CACUL1: variants seen among roughly 807,000 people sequenced by gnomAD.
The protein encoded by CACUL1 is CDK2-associated and cullin domain-containing protein 1.
In CACUL1, 13 loss-of-function variants were observed where a neutral mutation model predicts 45.2. The ratio of observed to expected loss-of-function variants is 0.29; its 90% CI spans 0.19 to 0.46. The LOEUF (loss-of-function observed/expected upper bound fraction) is 0.46, where lower values mean the gene tolerates loss of function less well. Among genes scored for constraint, CACUL1 ranks in the 20% least tolerant of loss-of-function variants. The pLI is 1.00. For missense variants in CACUL1, 421 were observed against 471.4 expected, an observed-to-expected ratio of 0.89 and a Z score of 0.99; for synonymous variants, 197 against 174.2, an observed-to-expected ratio of 1.13 and a Z score of -1.03.
intron 1 of CACUL1, among the ~76,000 whole-genome samples, chr10:118,742,537 C>T (rs953568773): frequency 3.3e-5 from 5 of 152,092 alleles, no homozygotes; most frequent in African/African-American, 1.2e-4. Context: ...CCAATAAGAT[C>T]CTGAAGTTCG....
chr10:118,687,807 G>C (rs1315953027), intron 7 of CACUL1, among the ~76,000 whole-genome samples: 1 of 152,084 alleles, frequency 6.6e-6, no homozygotes, highest in Non-Finnish European at 1.5e-5. Context: ...TCCACTCATA[G>C]GACTTACTAC....
chr10:118,739,549 G>C (rs774677073), intron 1 of CACUL1, among the ~76,000 whole-genome samples: 3 of 151,496 alleles, frequency 2.0e-5, no homozygotes, highest in Non-Finnish European at 4.4e-5. Context: ...TATCAATCAA[G>C]TGTGAAAGCA....
chr10:118,709,474 A>G (rs959407425), intron 3 of CACUL1, among the ~76,000 whole-genome samples: 1 of 152,256 alleles, frequency 6.6e-6, no homozygotes, highest in Admixed American at 6.5e-5. Flanking sequence ...CGTTAGCCAA[A>G]TGATAGATCC....
At chr10:118,751,458 A>C (rs1225389897) in intron 1 of CACUL1, among the ~76,000 whole-genome samples, 2 of 152,182 alleles carry the variant, frequency 1.3e-5, no homozygotes, top group Admixed American at 1.3e-4. Flanking sequence ...CTCCCTAACA[A>C]CATATGACTC....
chr10:118,712,773 C>T (rs1845501845), intron 3 of CACUL1, among the ~76,000 whole-genome samples: 1 of 152,198 alleles, frequency 6.6e-6, no homozygotes, highest in Non-Finnish European at 1.5e-5. Flanking sequence ...AGCTGGTCAT[C>T]TCAACAACTG....
At chr10:118,727,706 T>C (rs989800426) in intron 3 of CACUL1, among the ~76,000 whole-genome samples, 1 of 152,156 alleles carries the variant, frequency 6.6e-6, no homozygotes, top group Non-Finnish European at 1.5e-5. Context: ...TATTCATCAA[T>C]CAAAAACTGG....
chr10:118,716,818 G>A (rs1336131149), intron 3 of CACUL1, among the ~76,000 whole-genome samples: 1 of 152,084 alleles, frequency 6.6e-6, no homozygotes, highest in Non-Finnish European at 1.5e-5. Context: ...TAGCCAGGGT[G>A]GTCTCGATCT....
Position 118,686,149 on chromosome 10 carries a change from T to C in CACUL1, c.1089A>G (p.Ala363=). The change falls in exon 9 of 9, where the codon GCA becomes GCG. Residue 363 remains alanine, a synonymous_variant. Transcript: ENST00000369151. ...TTCACTATCTGTACCCCCTGGAACTTGCACATGCTGACGAGCTATCTGAAA... is the reference window on the plus strand; with the variant it reads ...TTCACTATCTGTACCCCCTGGAACTCGCACATGCTGACGAGCTATCTGAAA... The part of the protein sequence containing the change: ...ELAYNSSSAC[A]SSRGYR The C allele has an allele frequency of 6.2e-7, 1 of 1,613,320 alleles. No homozygotes were observed. The highest frequency in any genetic ancestry group is 2.2e-5 in the East Asian group (1 of 44,866).
chr10:118,753,972 TTC>T (rs1845925661), intron 1 of CACUL1, among the ~76,000 whole-genome samples: 2 of 152,208 alleles, frequency 1.3e-5, no homozygotes, highest in Non-Finnish European at 2.9e-5. Context: ...CAGATTTCTT[TTC>T]TCTCTCTGGC....
chr10:118,738,059 T>C (rs1056899728), intron 1 of CACUL1, among the ~76,000 whole-genome samples: 5 of 152,226 alleles, frequency 3.3e-5, no homozygotes, highest in African/African-American at 1.2e-4. Flanking sequence ...AATCTCTCCT[T>C]GGCATTAAGC....
At chr10:118,729,765 G>C (rs1845682392) in intron 2 of CACUL1, among the ~76,000 whole-genome samples, 1 of 152,176 alleles carries the variant, frequency 6.6e-6, no homozygotes, top group Non-Finnish European at 1.5e-5. Context: ...AATCAGTAGA[G>C]AGAGGTTTCT....
chr10:118,709,974 C>T (rs779493910), intron 3 of CACUL1, among the ~76,000 whole-genome samples: 5 of 151,902 alleles, frequency 3.3e-5, no homozygotes, highest in Non-Finnish European at 7.4e-5. Flanking sequence ...ACCATGATTA[C>T]AGCTCACTGC....
intron 1 of CACUL1, among the ~76,000 whole-genome samples, chr10:118,751,987 G>C (rs1845902874): frequency 2.6e-5 from 4 of 152,048 alleles, no homozygotes; most frequent in Admixed American, 2.6e-4. Flanking sequence ...GTTATCACTA[G>C]TTTAGTAAAT....
chr10:118,718,860 A>G (rs1426986230), intron 3 of CACUL1, among the ~76,000 whole-genome samples: 2 of 152,240 alleles, frequency 1.3e-5, no homozygotes, highest in African/African-American at 4.8e-5. Flanking sequence ...GGCGTGAGCC[A>G]CCGCGCCCGG....
intron 3 of CACUL1, chr10:118,726,502 C>T (rs998858918): frequency 3.4e-5 from 12 of 352,340 alleles, no homozygotes; most frequent in Non-Finnish European, 3.9e-5. Flanking sequence ...AACACAATCA[C>T]TGCCCTAATA....
chr10:118,697,529 A>T (rs1004246029), intron 5 of CACUL1, among the ~76,000 whole-genome samples: 1 of 152,218 alleles, frequency 6.6e-6, no homozygotes, highest in Admixed American at 6.5e-5. Context: ...TTGATACCTG[A>T]ATTGGGACCA....
At chr10:118,704,208 G>T (rs10886289) in intron 4 of CACUL1, among the ~76,000 whole-genome samples, 119,913 of 150,558 alleles carry the variant, frequency 0.8, 47,777 homozygotes, top group Admixed American at 0.83. Context: ...AGATCCCATC[G>T]CTACTGAAAA....
chr10:118,720,567 T>A (rs1244272818), intron 3 of CACUL1, among the ~76,000 whole-genome samples: 1 of 152,196 alleles, frequency 6.6e-6, no homozygotes, highest in Non-Finnish European at 1.5e-5. Flanking sequence ...TGCAAACAGC[T>A]ATTATTTATG....
intron 3 of CACUL1, among the ~76,000 whole-genome samples, chr10:118,727,415 A>C (rs1056248894): frequency 4.0e-5 from 6 of 151,326 alleles, no homozygotes; most frequent in African/African-American, 1.5e-4. Flanking sequence ...AAAAAAAAAA[A>C]AACACTAACA....
Sources: allele counts gnomAD v4.1 joint callset (sites outside exome capture counted in the v4.1 genomes callset), GRCh38; gene constraint gnomAD v4.1.1; transcripts MANE v1.5; gene names NCBI Gene and HGNC (gene_info 2026-07-23, HGNC 2026-07-21).